Variants in DPP10 observed in about 807,000 individuals in gnomAD.
DPP10 encodes inactive dipeptidyl peptidase 10.
DPP10 carries 33 observed loss-of-function variants against 120.9 expected under a neutral mutation model. That is an observed-to-expected ratio of 0.27 (90% CI 0.21 to 0.37). The LOEUF is 0.37. Ranked by LOEUF, DPP10 falls within the 10% of genes least tolerant of loss-of-function variation. The pLI is 1.00. For missense variants in DPP10, 816 were observed against 942.8 expected, an observed-to-expected ratio of 0.87 and a Z score of 1.76; for synonymous variants, 337 against 326.1, an observed-to-expected ratio of 1.03 and a Z score of -0.36.
chr2:115,514,759 A>G (rs940408465), intron 4 of DPP10, among the ~76,000 whole-genome samples: 3 of 151,864 alleles, frequency 2.0e-5, no homozygotes, highest in Non-Finnish European at 2.9e-5. Context: ...AAACATTTTC[A>G]TCATCACAGA....
chr2:114,875,583 A>G lies in DPP10; in HGVS notation c.60+432745A>G, dbSNP rs536662250. The stretch of plus-strand genomic sequence containing the variant: ...AACAAATTTTGAGAAGAAGAAAAGA[A>G]GTAAGGCAGTTCAGCTTACTAGAAC... On this transcript the variant is annotated intron_variant, in intron 1 of 25. Transcript: ENST00000410059. 2.0e-5 allele frequency among the ~76,000 whole-genome samples: 3 copies of G among 152,278 alleles called. No homozygotes were observed. The South Asian group carries it at 6.2e-4, about 32-fold the overall frequency.
intron 1 of DPP10, among the ~76,000 whole-genome samples, chr2:114,541,305 AT>A (rs1686934582): frequency 6.6e-6 from 1 of 152,190 alleles, no homozygotes; most frequent in African/African-American, 2.4e-5. Flanking sequence ...AGTGGTTTGT[AT>A]GAAAGTAGAG....
At chr2:114,682,553 A>T (rs891509686) in intron 1 of DPP10, among the ~76,000 whole-genome samples, 24 of 151,066 alleles carry the variant, frequency 1.6e-4, no homozygotes, top group African/African-American at 5.6e-4. Context: ...TTAATTCTAA[A>T]TTGCAATCGA....
intron 3 of DPP10, among the ~76,000 whole-genome samples, chr2:115,467,320 G>A (rs1043177557): frequency 4.6e-5 from 7 of 152,080 alleles, no homozygotes; most frequent in Admixed American, 2.0e-4. Context: ...CCAGCACTTT[G>A]GGAGGCTGAG....
At chr2:114,694,563 A>G (rs1699959299) in intron 1 of DPP10, among the ~76,000 whole-genome samples, 1 of 152,028 alleles carries the variant, frequency 6.6e-6, no homozygotes, top group South Asian at 2.1e-4. Context: ...GTTTATTCAT[A>G]TTTATTCCAC....
chr2:115,082,835 T>A (rs1272140287), intron 1 of DPP10, among the ~76,000 whole-genome samples: 1 of 152,208 alleles, frequency 6.6e-6, no homozygotes, highest in Non-Finnish European at 1.5e-5. Flanking sequence ...AACCTAGGAA[T>A]TCGTGAGCTA....
At chr2:114,672,913 T>G (rs1698437057) in intron 1 of DPP10, among the ~76,000 whole-genome samples, 1 of 152,132 alleles carries the variant, frequency 6.6e-6, no homozygotes, top group Non-Finnish European at 1.5e-5. Flanking sequence ...TTCTGGGATA[T>G]TGCTAACAGT....
At chr2:115,122,408 C>A (rs992705438) in intron 1 of DPP10, among the ~76,000 whole-genome samples, 1 of 152,200 alleles carries the variant, frequency 6.6e-6, no homozygotes, top group African/African-American at 2.4e-5. Context: ...CTGGGACCAG[C>A]CTTCATCTCT....
intron 1 of DPP10, among the ~76,000 whole-genome samples, chr2:114,864,983 A>AAAT (rs1690112588): frequency 6.6e-6 from 1 of 152,224 alleles, no homozygotes; most frequent in South Asian, 2.1e-4. Context: ...TCATTCTAGC[A>AAAT]AATAGTAAAA....
intron 1 of DPP10, among the ~76,000 whole-genome samples, chr2:114,520,521 T>C (rs2104651632): frequency 6.6e-6 from 1 of 152,152 alleles, no homozygotes; most frequent in Middle Eastern, 3.4e-3. Context: ...AGCAAATAAA[T>C]GGAAAGGCAA....
intron 1 of DPP10, among the ~76,000 whole-genome samples, chr2:114,763,889 C>T (rs943135815): frequency 6.6e-6 from 1 of 152,170 alleles, no homozygotes; most frequent in Non-Finnish European, 1.5e-5. Context: ...TTCAAGTGAT[C>T]TCATCATTGT....
chr2:114,723,909 C>T (rs1701872509), intron 1 of DPP10, among the ~76,000 whole-genome samples: 1 of 152,172 alleles, frequency 6.6e-6, no homozygotes, highest in Non-Finnish European at 1.5e-5. Context: ...AAGTCACAGA[C>T]TTCAGCCCAT....
chr2:115,801,598 A>G (rs1685246571), intron 19 of DPP10, among the ~76,000 whole-genome samples: 1 of 152,168 alleles, frequency 6.6e-6, no homozygotes, highest in South Asian at 2.1e-4. Flanking sequence ...ATTATTTGAG[A>G]TACGTCTCAT....
At chr2:114,967,212 A>G (rs897649904) in intron 1 of DPP10, among the ~76,000 whole-genome samples, 1 of 152,216 alleles carries the variant, frequency 6.6e-6, no homozygotes, top group African/African-American at 2.4e-5. Flanking sequence ...ATCTTCCATT[A>G]GGCAGCATTC....
chr2:115,057,711 C>T (rs1420750519), intron 1 of DPP10, among the ~76,000 whole-genome samples: 1 of 152,178 alleles, frequency 6.6e-6, no homozygotes, highest in East Asian at 1.9e-4. Context: ...CAAAGAGCTT[C>T]TCTTTTATGA....
intron 24 of DPP10, among the ~76,000 whole-genome samples, chr2:115,839,031 A>C (rs902506403): frequency 3.9e-5 from 6 of 152,364 alleles, no homozygotes; most frequent in Middle Eastern, 3.4e-3. Flanking sequence ...AAGCAGAAAA[A>C]AAATCCAATT....
intron 1 of DPP10, among the ~76,000 whole-genome samples, chr2:114,808,734 C>T (rs1009696221): frequency 1.3e-5 from 2 of 152,060 alleles, no homozygotes; most frequent in Non-Finnish European, 1.5e-5. Flanking sequence ...AAGACAAACT[C>T]ATTCCCCACC....
intron 11 of DPP10, 26 bp from the exon 12 acceptor site, chr2:115,762,546 T>G: frequency 6.2e-7 from 1 of 1,613,398 alleles, no homozygotes; most frequent in Non-Finnish European, 8.5e-7. Flanking sequence ...TTTAGATGCT[T>G]CATGGAGTTA....
intron 1 of DPP10, among the ~76,000 whole-genome samples, chr2:114,981,920 G>T (rs1223852533): frequency 6.6e-6 from 1 of 151,378 alleles, no homozygotes; most frequent in African/African-American, 2.4e-5. Flanking sequence ...TTGAGACAGG[G>T]TCTCACTCTG....
Sources: gnomAD v4.1 joint callset for allele counts (sites outside exome capture counted in the v4.1 genomes callset) on GRCh38, gnomAD v4.1.1 for gene constraint, MANE v1.5 for transcripts, NCBI Gene and HGNC (gene_info 2026-07-23, HGNC 2026-07-21) for gene names.